Variants in ZNF534 observed in about 807,000 individuals in gnomAD.
ZNF534 encodes KRAB domain only 3.
Under a neutral mutation model 13.6 loss-of-function variants are expected in ZNF534, and 19 were observed. That is an observed-to-expected ratio of 1.40 (90% CI 0.97 to 2.05). ZNF534 has a LOEUF of 2.05. Ranked by LOEUF, ZNF534 falls within the 30% of genes most tolerant of loss-of-function variation. The probability of loss-of-function intolerance (pLI) is 0.00; values close to 1 mark genes in which losing one functional copy is unlikely to be tolerated. For synonymous variants in ZNF534, 244 were observed against 273.8 expected, an observed-to-expected ratio of 0.89 and a Z score of 1.07; for missense variants, 782 against 796.3, an observed-to-expected ratio of 0.98 and a Z score of 0.22.
chr19:52,438,445 A>C lies in ZNF534; in HGVS notation c.985A>C (p.Lys329Gln). The change falls in exon 5 of 5, where the codon AAG becomes CAG. Residue 329 changes from lysine (K) to glutamine (Q), a missense_variant. Around this residue, in one of 5 missense-constraint regions of ZNF534, gnomAD observed 591 missense variants for 574.0 expected, o/e 1.03. Coordinates refer to ENST00000433050, the MANE Select transcript of ZNF534 (RefSeq NM_001143938.3). ...IHTGEKPYDC[K>Q]ECGKVFRHKS... ...TACTGGAGAGAAACCTTATGATTGT[A>C]AGGAATGTGGCAAGGTCTTCAGGCA... 6.2e-7 allele frequency: 1 copy of C among 1,611,066 alleles called. No individual in the cohort carries two copies. Among genetic ancestry groups the C allele is most frequent in the Non-Finnish European group, 8.5e-7 (1 of 1,178,370 alleles).
chr19:52,437,627 T>C, intron 4 of ZNF534, 105 bp from the exon 5 acceptor site: 1 of 1,161,200 alleles, frequency 8.6e-7, no homozygotes, highest in Non-Finnish European at 1.2e-6. Context: ...CAAAGTATGC[T>C]GATAATTTCA....
At chr19:52,447,217 C>G (rs866168408), downstream of ZNF534, among the ~76,000 whole-genome samples, 3 of 152,106 alleles carry the variant, frequency 2.0e-5, no homozygotes, top group Non-Finnish European at 2.9e-5. Flanking sequence ...ATTTGTGAAC[C>G]CTCTTTTGAC....
In ZNF534 at chr19:52,434,021, G is replaced by A. The variant is rs1316761714; in HGVS notation, c.82G>A (p.Gly28Arg). The change falls in exon 3 of 5, where the codon GGG (glycine) becomes AGG (arginine). Residue 28 changes from glycine to arginine, a missense_variant. Physicochemically the swap from Gly to Arg is moderately radical, Grantham distance 125 (BLOSUM62 -2). Coordinates refer to ENST00000433050, the MANE Select transcript of ZNF534 (RefSeq NM_001143938.3). Reference protein sequence around the residue: ...SQEEWKCLDPGQKALYRDVML... With the variant: ...SQEEWKCLDPRQKALYRDVML... ...GGAGGAGTGGAAATGCCTGGACCCTGGGCAGAAAGCTTTATACAGGGACGT... is the reference window on the plus strand; with the variant it reads ...GGAGGAGTGGAAATGCCTGGACCCTAGGCAGAAAGCTTTATACAGGGACGT... The A allele has an allele frequency of 6.2e-7, 1 of 1,614,110 alleles. No individual in the cohort carries two copies. Among genetic ancestry groups the A allele is most frequent in the Non-Finnish European group, 8.5e-7 (1 of 1,180,016 alleles).
At chr19:52,432,213 T>C (rs73588017) in intron 2 of ZNF534, among the ~76,000 whole-genome samples, 23,869 of 152,020 alleles carry the variant, frequency 0.16, 2,602 homozygotes, top group African/African-American at 0.31. Context: ...AGTAATGTAT[T>C]ATGGGGATAT....
intron 2 of ZNF534, among the ~76,000 whole-genome samples, chr19:52,433,639 T>C (rs950853673): frequency 6.6e-6 from 1 of 152,252 alleles, no homozygotes; most frequent in Non-Finnish European, 1.5e-5. Context: ...ATGCTGGGAT[T>C]ACAGGCATGA....
exon 5 of ZNF534, chr19:52,451,840 G>A: frequency 1.3e-6 from 1 of 788,580 alleles, no homozygotes. Flanking sequence ...GAATTGCACA[G>A]CTCATTTGTG....
At chr19:52,450,518 C>T (rs2059209381) in intron 4 of ZNF534, among the ~76,000 whole-genome samples, 1 of 151,942 alleles carries the variant, frequency 6.6e-6, no homozygotes, top group Admixed American at 6.5e-5. Flanking sequence ...CTCTATGTGT[C>T]TATTTTTATC....
At chr19:52,444,659 TG>T (rs1225631436), downstream of ZNF534, among the ~76,000 whole-genome samples, 1 of 151,956 alleles carries the variant, frequency 6.6e-6, no homozygotes, top group Non-Finnish European at 1.5e-5. Flanking sequence ...AGACTCTCCT[TG>T]GCAGGTCTTG....
chr19:52,451,496 A>C, exon 5 of ZNF534: 1 of 576,098 alleles, frequency 1.7e-6, no homozygotes, highest in Non-Finnish European at 3.0e-6. Flanking sequence ...CCGCGGAGCT[A>C]AGACACCCGC....
At chr19:52,434,565 T>C (rs116925192) in intron 3 of ZNF534, among the ~76,000 whole-genome samples, 551 of 149,078 alleles carry the variant, frequency 3.7e-3, no homozygotes, top group Non-Finnish European at 5.1e-3. Flanking sequence ...ACCCCATCCA[T>C]ACTAAAAATA....
chr19:52,432,055 TTA>T (rs200149884), intron 2 of ZNF534, among the ~76,000 whole-genome samples: 8 of 150,696 alleles, frequency 5.3e-5, no homozygotes, highest in Admixed American at 1.3e-4. Context: ...CATGTCATCA[TTA>T]TATATATATA....
rs935577606 is a variant in ZNF534, at chr19:52,440,475, G to C, written c.*1029G>C. Among the ~76,000 whole-genome samples the C allele has an allele frequency of 6.6e-6, 1 of 152,142 alleles. No individual in the cohort carries two copies. Among genetic ancestry groups the C allele is most frequent in the African/African-American group, 2.4e-5 (1 of 41,432 alleles). ...AAGTCAAAGTCACAATTCACATCTT[G>C]CACATCAAATAATTCATACTGGAGG... is the stretch of plus-strand genomic sequence containing the variant. On this transcript the variant is annotated 3_prime_UTR_variant, in exon 5 of 5. Transcript: ENST00000433050.
rs533010105 is a variant in ZNF534 at position 52,437,693 on chromosome 19, G to T, written c.272-39G>T. The T allele has an allele frequency of 3.2e-4, 480 of 1,512,232 alleles. 1 individual carries two copies. The highest frequency in any genetic ancestry group is 2.5e-3 in the Middle Eastern group (11 of 4,372). 93.7% of individuals were successfully genotyped at this position (1,512,232 alleles called of 1,614,324 possible). ...TTTCTGTCAGACTTTAAACATGCCA[G>T]AATCGGGATTAAGTTCTAAAATTTT... On this transcript the variant is annotated intron_variant, in intron 4 of 4. Transcript: ENST00000433050.
intron 4 of ZNF534, among the ~76,000 whole-genome samples, chr19:52,448,920 T>C (rs981728275): frequency 3.9e-5 from 6 of 152,208 alleles, no homozygotes; most frequent in Non-Finnish European, 5.9e-5. Flanking sequence ...TTGTTCACTA[T>C]AGTCACCCTA....
chr19:52,445,655 T>G (rs2059191925), downstream of ZNF534, among the ~76,000 whole-genome samples: 1 of 152,208 alleles, frequency 6.6e-6, no homozygotes, highest in African/African-American at 2.4e-5. Context: ...GTCTCCTGGG[T>G]CCTGCGGGAG....
intron 2 of ZNF534, among the ~76,000 whole-genome samples, chr19:52,431,896 C>T (rs2059089977): frequency 6.6e-6 from 1 of 151,070 alleles, no homozygotes; most frequent in African/African-American, 2.4e-5. Context: ...CACTGTTGCC[C>T]AGGCTGGAGT....
chr19:52,431,517 CTG>C, intron 2 of ZNF534, 28 bp downstream of exon 2: 1 of 1,613,830 alleles, frequency 6.2e-7, no homozygotes, highest in East Asian at 2.2e-5. Context: ...GTGGATTGTT[CTG>C]TCTCTGTTTC....
chr19:52,434,156 G>A (rs370232328), intron 3 of ZNF534, 75 bp downstream of exon 3: 88 of 1,561,084 alleles, frequency 5.6e-5, no homozygotes, highest in South Asian at 7.3e-5. Flanking sequence ...TGTGTCTCTC[G>A]GGAGCCCCTG....
In ZNF534 at chr19:52,438,399, T is replaced by C. The variant is rs755965954; in HGVS notation, c.939T>C (p.Leu313=). The change falls in exon 5 of 5, where the codon CTT becomes CTC. Residue 313 remains leucine, a synonymous_variant. Transcript: ENST00000433050. ...CGKAFSVCSS[L]TAHLVIHTGE... is the part of the protein sequence containing the mutation. ...AAGCATTTAGTGTGTGTTCCAGTCT[T>C]ACTGCTCATCTTGTAATCCATACTG... 1.9e-6 allele frequency: 3 copies of C among 1,613,526 alleles called. No homozygotes were observed. The highest frequency in any genetic ancestry group is 2.5e-6 in the Non-Finnish European group (3 of 1,179,584).
Sources: allele counts gnomAD v4.1 joint callset (sites outside exome capture counted in the v4.1 genomes callset), GRCh38; gene constraint gnomAD v4.1.1; regional missense constraint gnomAD v4.1.1; transcripts MANE v1.5; gene names NCBI Gene and HGNC (gene_info 2026-07-23, HGNC 2026-07-21).